The following BRINP3 variants were observed in gnomAD, a reference collection of about 807,000 sequenced individuals.
BRINP3 encodes BMP/retinoic acid-inducible neural-specific protein 3.
BRINP3 carries 19 observed loss-of-function variants against 71.0 expected under a neutral mutation model. The ratio of observed to expected loss-of-function variants is 0.27; its 90% CI spans 0.19 to 0.39. The LOEUF is 0.39. BRINP3 is among the 10% of genes least tolerant of loss of function. The pLI is 1.00. For synonymous variants in BRINP3, 380 were observed against 337.7 expected, an observed-to-expected ratio of 1.13 and a Z score of -1.37; for missense variants, 959 against 940.8, an observed-to-expected ratio of 1.02 and a Z score of -0.25.
intron 2 of BRINP3, among the ~76,000 whole-genome samples, chr1:190,447,681 C>A (rs1050425839): frequency 1.3e-5 from 2 of 150,206 alleles, no homozygotes; most frequent in African/African-American, 4.9e-5. Context: ...ATGTTATAGT[C>A]TGTCTTTCAC....
In BRINP3 at chr1:190,281,706, C is replaced by T. The variant is rs759193265; in HGVS notation, c.281G>A (p.Arg94Lys). 3 of 1,612,554 alleles carry T rather than the reference C, an allele frequency of 1.9e-6. No homozygotes were observed. The highest frequency in any genetic ancestry group is 2.5e-6 in the Non-Finnish European group (3 of 1,179,182). The part of the protein sequence containing the change: ...WKVNNLAVER[R>K]NFLGSPLPLA... ...AGGCAGAGGAGAGCCAAGGAAATTT[C>T]TTCTCTCAACTGCAAGGTTATTTAC... The change falls in exon 3 of 8, where the codon AGA becomes AAA. Residue 94 changes from arginine (R) to lysine (K), a missense_variant. Physicochemically the swap from Arg to Lys is conservative, Grantham distance 26. Transcript: ENST00000367462.
intron 2 of BRINP3, among the ~76,000 whole-genome samples, chr1:190,328,547 G>T (rs555984681): frequency 1.7e-4 from 26 of 151,734 alleles, no homozygotes; most frequent in Non-Finnish European, 3.5e-4. Flanking sequence ...ATTACCAACT[G>T]AAAAATGCCA....
chr1:190,143,891 G>T (rs1346626449), intron 7 of BRINP3, among the ~76,000 whole-genome samples: 1 of 152,130 alleles, frequency 6.6e-6, no homozygotes, highest in Non-Finnish European at 1.5e-5. Flanking sequence ...TATGAGAATT[G>T]CATAGCCATG....
intron 7 of BRINP3, among the ~76,000 whole-genome samples, chr1:190,139,786 C>A (rs879608957): frequency 6.6e-6 from 1 of 152,098 alleles, no homozygotes; most frequent in Non-Finnish European, 1.5e-5. Context: ...TTTCTCCAGG[C>A]AACATTTAGT....
chr1:190,241,044 ACT>A (rs976794649), intron 4 of BRINP3, among the ~76,000 whole-genome samples: 2 of 151,912 alleles, frequency 1.3e-5, no homozygotes, highest in African/African-American at 4.8e-5. Flanking sequence ...TTAACTATAA[ACT>A]CTCTATGCAT....
At chr1:190,358,893 C>T (rs2102101914) in intron 2 of BRINP3, among the ~76,000 whole-genome samples, 1 of 152,176 alleles carries the variant, frequency 6.6e-6, no homozygotes, top group Admixed American at 6.5e-5. Context: ...CCATCATTCT[C>T]AGCAAACTAT....
chr1:190,325,901 T>C (rs1666550358), intron 2 of BRINP3, among the ~76,000 whole-genome samples: 1 of 152,122 alleles, frequency 6.6e-6, no homozygotes, highest in South Asian at 2.1e-4. Context: ...TAAAAACCAA[T>C]AATAACTGTT....
chr1:190,250,140 A>G (rs1660000882), intron 4 of BRINP3, among the ~76,000 whole-genome samples: 1 of 151,908 alleles, frequency 6.6e-6, no homozygotes. Flanking sequence ...AGAAGCTGAA[A>G]TAGAAATTCT....
intron 2 of BRINP3, among the ~76,000 whole-genome samples, chr1:190,383,852 A>G (rs925477636): frequency 2.0e-5 from 3 of 152,044 alleles, no homozygotes; most frequent in Non-Finnish European, 4.4e-5. Flanking sequence ...GGCTTATAAA[A>G]TAATAAATGT....
At chr1:190,157,308 T>A (rs745848690) in intron 7 of BRINP3, among the ~76,000 whole-genome samples, 1 of 151,974 alleles carries the variant, frequency 6.6e-6, no homozygotes, top group Non-Finnish European at 1.5e-5. Context: ...ATCTTTTTGA[T>A]TGGGAGAAAT....
intron 1 of BRINP3, among the ~76,000 whole-genome samples, chr1:190,469,918 T>C (rs1677017601): frequency 6.6e-6 from 1 of 151,146 alleles, no homozygotes; most frequent in African/African-American, 2.4e-5. Flanking sequence ...ATTTAGTTTT[T>C]GATTTAATTT....
intron 4 of BRINP3, among the ~76,000 whole-genome samples, chr1:190,238,251 T>C (rs1658713966): frequency 6.6e-6 from 1 of 152,066 alleles, no homozygotes; most frequent in South Asian, 2.1e-4. Flanking sequence ...TATATTTGGC[T>C]CGTATTCAAT....
intron 2 of BRINP3, among the ~76,000 whole-genome samples, chr1:190,295,221 A>AT (rs942011591): frequency 6.6e-6 from 1 of 152,048 alleles, no homozygotes; most frequent in Non-Finnish European, 1.5e-5. Flanking sequence ...TTCTGCCAGG[A>AT]TGGTGGATTC....
intron 4 of BRINP3, among the ~76,000 whole-genome samples, chr1:190,235,708 GA>G (rs1658449956): frequency 1.3e-5 from 2 of 151,838 alleles, no homozygotes; most frequent in African/African-American, 4.8e-5. Flanking sequence ...ATTTTCTAGC[GA>G]ATCCTTCACT....
chr1:190,378,681 A>G (rs1382138076), intron 2 of BRINP3, among the ~76,000 whole-genome samples: 1 of 152,236 alleles, frequency 6.6e-6, no homozygotes, highest in African/African-American at 2.4e-5. Context: ...ACAAATATCC[A>G]GGCATGCTCT....
chr1:190,410,313 T>C (rs1465313045), intron 2 of BRINP3, among the ~76,000 whole-genome samples: 2 of 152,148 alleles, frequency 1.3e-5, no homozygotes, highest in African/African-American at 2.4e-5. Flanking sequence ...TAGATGAATA[T>C]TATTGCCTGT....
intron 2 of BRINP3, among the ~76,000 whole-genome samples, chr1:190,383,410 G>A (rs1558237235): frequency 6.6e-6 from 1 of 151,988 alleles, no homozygotes; most frequent in Non-Finnish European, 1.5e-5. Flanking sequence ...TGCAATCAGT[G>A]TAGCTATTTC....
chr1:190,289,807 C>A (rs1396869527), intron 2 of BRINP3, among the ~76,000 whole-genome samples: 2 of 151,974 alleles, frequency 1.3e-5, no homozygotes, highest in African/African-American at 4.8e-5. Context: ...CTCTACCATA[C>A]CTGTCTCCAA....
chr1:190,425,507 T>C (rs1673644809), intron 2 of BRINP3, among the ~76,000 whole-genome samples: 1 of 151,722 alleles, frequency 6.6e-6, no homozygotes, highest in Admixed American at 6.6e-5. Flanking sequence ...ACTAAGAAAG[T>C]GCCAATTCAC....
Sources: gnomAD v4.1 joint callset for allele counts (sites outside exome capture counted in the v4.1 genomes callset) on GRCh38, gnomAD v4.1.1 for gene constraint, MANE v1.5 for transcripts, NCBI Gene and HGNC (gene_info 2026-07-23, HGNC 2026-07-21) for gene names.